CNTN5: variants seen among roughly 807,000 people sequenced by gnomAD.
CNTN5 encodes contactin-5.
In CNTN5, 77 loss-of-function variants were observed where a neutral mutation model predicts 129.1. That is an observed-to-expected ratio of 0.60 (90% CI 0.50 to 0.72). The LOEUF (loss-of-function observed/expected upper bound fraction) is 0.72, where lower values mean the gene tolerates loss of function less well. CNTN5 is among the 30% of genes least tolerant of loss of function. CNTN5 has a pLI of 0.00. For synonymous variants in CNTN5, 509 were observed against 465.6 expected (o/e 1.09, Z -1.20); for missense variants, 1,478 against 1,328.8 (o/e 1.11, Z -1.75).
intron 3 of CNTN5, among the ~76,000 whole-genome samples, chr11:99,699,266 CATTTGCTACTT>C (rs1954411906): frequency 6.6e-6 from 1 of 151,410 alleles, no homozygotes; most frequent in Admixed American, 6.6e-5. Flanking sequence ...CAAGATACAA[CATTTGCTACTT>C]ATATTTAATG....
intron 1 of CNTN5, among the ~76,000 whole-genome samples, chr11:99,235,828 G>T (rs1861232394): frequency 6.6e-6 from 1 of 152,168 alleles, no homozygotes; most frequent in African/African-American, 2.4e-5. Context: ...GAATTTTCTT[G>T]AATAAAGTTT....
chr11:99,415,903 CAA>C lies in CNTN5; in HGVS notation c.-71+90421_-71+90422del, dbSNP rs368723777. ...GAAGTTGAATGATTTAATCCGAACT[CAA>C]AGAGTCAATTAATTCTGCTCTTGAT... On this transcript the variant is annotated intron_variant, in intron 2 of 24. Transcript: ENST00000524871. Among the ~76,000 whole-genome samples the C allele has an allele frequency of 5.7e-3, 873 of 152,270 alleles. 6 individuals carry two copies. The highest frequency in any genetic ancestry group is 0.02 in the African/African-American group (811 of 41,564).
intron 2 of CNTN5, among the ~76,000 whole-genome samples, chr11:99,464,126 T>C (rs772296463): frequency 6.6e-6 from 1 of 152,238 alleles, no homozygotes; most frequent in Non-Finnish European, 1.5e-5. Flanking sequence ...GAACACATTG[T>C]GGCTTATCCA....
intron 1 of CNTN5, among the ~76,000 whole-genome samples, chr11:99,311,743 T>C (rs1410081488): frequency 6.6e-6 from 1 of 152,234 alleles, no homozygotes; most frequent in Non-Finnish European, 1.5e-5. Flanking sequence ...TTGTATCTTT[T>C]ATTTTATGCT....
chr11:99,770,497 G>A (rs1317554389), intron 3 of CNTN5, among the ~76,000 whole-genome samples: 1 of 151,980 alleles, frequency 6.6e-6, no homozygotes, highest in African/African-American at 2.4e-5. Flanking sequence ...ATAACTTAGT[G>A]TCTGTATATA....
At chr11:99,370,217 G>T in intron 2 of CNTN5, among the ~76,000 whole-genome samples, 1 of 152,204 alleles carries the variant, frequency 6.6e-6, no homozygotes, top group Non-Finnish European at 1.5e-5. Flanking sequence ...GTGGAATTGA[G>T]AAGGCTTGGT....
At chr11:99,756,423 A>T (rs1222225262) in intron 3 of CNTN5, among the ~76,000 whole-genome samples, 1 of 152,082 alleles carries the variant, frequency 6.6e-6, no homozygotes, top group Non-Finnish European at 1.5e-5. Context: ...ATTTTCTGTT[A>T]TTTTCCTGCC....
At chr11:99,354,646 A>G (rs1017014122) in intron 2 of CNTN5, among the ~76,000 whole-genome samples, 1 of 152,134 alleles carries the variant, frequency 6.6e-6, no homozygotes, top group African/African-American at 2.4e-5. Context: ...CATATTCCAC[A>G]TTATGGTGGC....
chr11:100,169,667 C>A (rs1018060420), intron 13 of CNTN5, among the ~76,000 whole-genome samples: 1 of 151,902 alleles, frequency 6.6e-6, no homozygotes, highest in African/African-American at 2.4e-5. Context: ...CATTGGAAAA[C>A]AAGACATTTT....
At chr11:99,662,361 A>G (rs1170760434) in intron 3 of CNTN5, among the ~76,000 whole-genome samples, 2 of 152,208 alleles carry the variant, frequency 1.3e-5, no homozygotes, top group Non-Finnish European at 2.9e-5. Flanking sequence ...AATCATATTG[A>G]GAAATGACTG....
At chr11:100,071,023 G>T (rs1185063261) in intron 11 of CNTN5, among the ~76,000 whole-genome samples, 1 of 151,806 alleles carries the variant, frequency 6.6e-6, no homozygotes, top group Non-Finnish European at 1.5e-5. Flanking sequence ...GCATTAAGTA[G>T]ACAAGACATT....
chr11:99,580,525 T>A (rs1949540869), intron 3 of CNTN5, among the ~76,000 whole-genome samples: 1 of 152,206 alleles, frequency 6.6e-6, no homozygotes, highest in Non-Finnish European at 1.5e-5. Context: ...ATTGGTCTAT[T>A]CAGATATTCA....
intron 13 of CNTN5, among the ~76,000 whole-genome samples, chr11:100,156,975 T>C (rs1947265931): frequency 6.6e-6 from 1 of 151,932 alleles, no homozygotes; most frequent in South Asian, 2.1e-4. Context: ...GTTTTTCGTG[T>C]GTGTGTCTCT....
chr11:99,547,753 T>G (rs748091920), intron 2 of CNTN5, among the ~76,000 whole-genome samples: 4 of 152,210 alleles, frequency 2.6e-5, no homozygotes, highest in Non-Finnish European at 4.4e-5. Flanking sequence ...TTGTCTTACT[T>G]TTTACCCTAA....
chr11:99,657,943 C>CTAATGGATACT (rs1465897929), intron 3 of CNTN5, among the ~76,000 whole-genome samples: 2 of 152,082 alleles, frequency 1.3e-5, no homozygotes, highest in Non-Finnish European at 2.9e-5. Flanking sequence ...GAGGCCCACT[C>CTAATGGATACT]TAATGGATAC....
intron 3 of CNTN5, among the ~76,000 whole-genome samples, chr11:99,557,103 C>G (rs2135540188): frequency 6.6e-6 from 1 of 151,210 alleles, no homozygotes; most frequent in Admixed American, 6.6e-5. Flanking sequence ...AATGTAACAG[C>G]TGATAATTTT....
chr11:99,445,661 A>G (rs773362157), intron 2 of CNTN5, among the ~76,000 whole-genome samples: 14 of 152,212 alleles, frequency 9.2e-5, no homozygotes, highest in Non-Finnish European at 1.9e-4. Flanking sequence ...ATGGAAGAAT[A>G]AGAGATGTTA....
chr11:100,051,828 T>C (rs1470116962), intron 9 of CNTN5, among the ~76,000 whole-genome samples: 1 of 151,906 alleles, frequency 6.6e-6, no homozygotes, highest in Non-Finnish European at 1.5e-5. Context: ...CAACATTTAA[T>C]TTTACAACTA....
intron 8 of CNTN5, among the ~76,000 whole-genome samples, chr11:99,988,109 A>G (rs11222216): frequency 0.39 from 58,719 of 152,012 alleles, 12,467 homozygotes; most frequent in African/African-American, 0.57. Flanking sequence ...TTTGAAATCC[A>G]CAAGAGTTTG....
Sources: allele counts gnomAD v4.1 joint callset (sites outside exome capture counted in the v4.1 genomes callset), GRCh38; gene constraint gnomAD v4.1.1; transcripts MANE v1.5; gene names NCBI Gene and HGNC (gene_info 2026-07-23, HGNC 2026-07-21).